HDAC9: variants seen among roughly 807,000 people sequenced by gnomAD.
HDAC9 encodes MEF-2 interacting transcription repressor (MITR) protein.
HDAC9 carries 41 observed loss-of-function variants against 139.4 expected under a neutral mutation model. The observed-to-expected ratio is 0.29, with a 90% CI of 0.23 to 0.38. HDAC9 has a LOEUF of 0.38. Ranked by LOEUF, HDAC9 falls within the 10% of genes least tolerant of loss-of-function variation. HDAC9 has a pLI of 1.00. For missense variants in HDAC9, 1,147 were observed against 1,297.0 expected, an observed-to-expected ratio of 0.88 and a Z score of 1.78; for synonymous variants, 517 against 476.2, an observed-to-expected ratio of 1.09 and a Z score of -1.12.
At chr7:18,303,375 TTGTGTGTG>T (rs71014320) in intron 1 of HDAC9, among the ~76,000 whole-genome samples, 1,945 of 127,750 alleles carry the variant, frequency 0.015, 17 homozygotes, top group African/African-American at 0.031. Flanking sequence ...CCCAGCCAAT[TTGTGTGTG>T]TGTGTGTGTG....
At chr7:18,420,956 T>C (rs537452104) in intron 1 of HDAC9, among the ~76,000 whole-genome samples, 1 of 152,298 alleles carries the variant, frequency 6.6e-6, no homozygotes, top group Admixed American at 6.5e-5. Flanking sequence ...CAGGCAGAAG[T>C]AACAGCTCAT....
At chr7:18,883,098 C>T (rs1217621968) in intron 22 of HDAC9, among the ~76,000 whole-genome samples, 2 of 152,058 alleles carry the variant, frequency 1.3e-5, no homozygotes, top group Non-Finnish European at 2.9e-5. Context: ...GATGAGGATA[C>T]CTCAGTCATT....
intron 25 of HDAC9, among the ~76,000 whole-genome samples, chr7:18,985,913 G>T (rs1389771269): frequency 2.0e-4 from 13 of 64,366 alleles, no homozygotes; most frequent in South Asian, 1.2e-3. Flanking sequence ...TTTTTGATGG[G>T]GTTGTTTGTT....
At chr7:18,578,004 C>G (rs948681334) in intron 2 of HDAC9, among the ~76,000 whole-genome samples, 2 of 152,184 alleles carry the variant, frequency 1.3e-5, no homozygotes, top group African/African-American at 2.4e-5. Flanking sequence ...CTCACGCCCC[C>G]ACTTCTGCCT....
chr7:18,278,236 G>T (rs1193012748), intron 2 of HDAC9, among the ~76,000 whole-genome samples: 1 of 152,138 alleles, frequency 6.6e-6, no homozygotes, highest in East Asian at 1.9e-4. Flanking sequence ...TGTGAAATGG[G>T]TACTCAGTGA....
At chr7:18,098,421 A>G (rs1782646530) in intron 1 of HDAC9, among the ~76,000 whole-genome samples, 1 of 152,236 alleles carries the variant, frequency 6.6e-6, no homozygotes, top group African/African-American at 2.4e-5. Context: ...GAAATACTTT[A>G]GAATTTTCCA....
chr7:18,669,793 A>C (rs1320241547), intron 12 of HDAC9, among the ~76,000 whole-genome samples: 1 of 151,872 alleles, frequency 6.6e-6, no homozygotes, highest in Non-Finnish European at 1.5e-5. Context: ...CATTAGAAAA[A>C]ATAGTTATTG....
intron 24 of HDAC9, among the ~76,000 whole-genome samples, chr7:18,970,406 G>C (rs956166215): frequency 2.6e-5 from 4 of 152,046 alleles, no homozygotes; most frequent in African/African-American, 4.8e-5. Context: ...AATAAATTTT[G>C]AATAGGACTA....
intron 5 of HDAC9, 34 bp downstream of exon 5, chr7:18,591,676 G>A: frequency 6.2e-7 from 1 of 1,608,114 alleles, no homozygotes. Context: ...TCATTCCTGG[G>A]GTAAAGAACA....
At chr7:18,945,788 C>T (rs1374507450) in intron 23 of HDAC9, among the ~76,000 whole-genome samples, 1 of 151,710 alleles carries the variant, frequency 6.6e-6, no homozygotes, top group East Asian at 1.9e-4. Flanking sequence ...CCTGTAATCC[C>T]AGCACTTTGG....
At chr7:18,299,661 G>A (rs907153718) in intron 1 of HDAC9, among the ~76,000 whole-genome samples, 2 of 152,168 alleles carry the variant, frequency 1.3e-5, no homozygotes, top group Admixed American at 6.5e-5. Flanking sequence ...GAAATGCATG[G>A]CTTGATGCCA....
At chr7:18,880,942 T>C (rs1011676935) in intron 22 of HDAC9, among the ~76,000 whole-genome samples, 1 of 151,952 alleles carries the variant, frequency 6.6e-6, no homozygotes, top group African/African-American at 2.4e-5. Context: ...CTGATTCTCT[T>C]TCCCCCACCG....
intron 19 of HDAC9, among the ~76,000 whole-genome samples, chr7:18,832,359 G>A (rs930048671): frequency 2.6e-5 from 4 of 152,162 alleles, no homozygotes; most frequent in African/African-American, 9.7e-5. Context: ...GAGTAACTAG[G>A]AGTGATAACA....
intron 14 of HDAC9, among the ~76,000 whole-genome samples, chr7:18,754,486 C>T (rs973905659): frequency 6.6e-6 from 1 of 152,086 alleles, no homozygotes; most frequent in African/African-American, 2.4e-5. Context: ...CTTGCTCTCA[C>T]ATTTGTTTTG....
chr7:18,732,139 T>C (rs1225563475), intron 13 of HDAC9, among the ~76,000 whole-genome samples: 1 of 152,162 alleles, frequency 6.6e-6, no homozygotes, highest in Non-Finnish European at 1.5e-5. Flanking sequence ...GGATTACAGG[T>C]GTGAGCTACT....
intron 1 of HDAC9, among the ~76,000 whole-genome samples, chr7:18,374,812 G>A (rs1422621886): frequency 2.6e-5 from 4 of 152,022 alleles, no homozygotes; most frequent in African/African-American, 4.8e-5. Context: ...TTGGGTCAAT[G>A]ACAGATGGTA....
Position 18,762,297 on chromosome 7 carries a change from G to T in HDAC9, c.2164+20G>T. On this transcript the variant is annotated intron_variant, in intron 15 of 25. Transcript: ENST00000686413. Reference sequence around the variant, plus strand: ...TCCTAGGTCTGTACGGGCCTCCACTGTACTGGGAACAGCACATTCCAGCAC... The same window carrying T: ...TCCTAGGTCTGTACGGGCCTCCACTTTACTGGGAACAGCACATTCCAGCAC... 1 of 1,612,706 alleles carries T rather than the reference G, an allele frequency of 6.2e-7. No homozygotes were observed. The highest frequency in any genetic ancestry group is 2.2e-5 in the East Asian group (1 of 44,832).
chr7:18,835,940 C>T lies in HDAC9; in HGVS notation c.2627C>T (p.Ala876Val), dbSNP rs868402717. 1.3e-6 allele frequency: 2 copies of T among 1,564,398 alleles called. No homozygotes were observed. The highest frequency in any genetic ancestry group is 1.7e-6 in the Non-Finnish European group (2 of 1,152,844). ...GLGEGYNINI[A>V]WTGGLDPPMG... Reference sequence around the variant, plus strand: ...GGAGAAGGGTACAATATAAATATTGCCTGGACAGGTGGCCTTGATCCTCCC... The same window carrying T: ...GGAGAAGGGTACAATATAAATATTGTCTGGACAGGTGGCCTTGATCCTCCC... Residue 876 changes from alanine (A) to valine (V), a missense_variant, in exon 21 of 26, where the codon GCC (alanine) becomes GTC (valine). Physicochemically the swap from Ala to Val is moderately conservative, Grantham distance 64. Coordinates refer to ENST00000686413, the MANE Select transcript of HDAC9 (RefSeq NM_178425.4).
intron 12 of HDAC9, among the ~76,000 whole-genome samples, chr7:18,710,880 A>G (rs1207937612): frequency 2.0e-5 from 3 of 152,254 alleles, no homozygotes; most frequent in Non-Finnish European, 2.9e-5. Flanking sequence ...ATATATATAC[A>G]TGTGTATATT....
Sources: gnomAD v4.1 joint callset for allele counts (sites outside exome capture counted in the v4.1 genomes callset) on GRCh38, gnomAD v4.1.1 for gene constraint, MANE v1.5 for transcripts, NCBI Gene and HGNC (gene_info 2026-07-23, HGNC 2026-07-21) for gene names.